The following CYFIP1 variants were observed in gnomAD, a reference collection of about 807,000 sequenced individuals.
CYFIP1 encodes cytoplasmic FMR1-interacting protein 1.
In CYFIP1, 58 loss-of-function variants were observed where a neutral mutation model predicts 163.5. That is an observed-to-expected ratio of 0.35 (90% CI 0.29 to 0.44). The LOEUF is 0.44. CYFIP1 is among the 20% of genes least tolerant of loss of function. CYFIP1 has a pLI of 1.00. For synonymous variants in CYFIP1, 663 were observed against 660.7 expected, an observed-to-expected ratio of 1.00 and a Z score of -0.05; for missense variants, 1,338 against 1,653.8, an observed-to-expected ratio of 0.81 and a Z score of 3.31.
At chr15:22,881,259 C>T (rs1281780844) in intron 25 of CYFIP1, among the ~76,000 whole-genome samples, 2 of 152,222 alleles carry the variant, frequency 1.3e-5, no homozygotes, top group Non-Finnish European at 2.9e-5. Context: ...TTCAACTGTC[C>T]AGCTTTCAAG....
intron 1 of CYFIP1, among the ~76,000 whole-genome samples, chr15:22,967,674 G>C (rs1032205050): frequency 6.6e-6 from 1 of 152,082 alleles, no homozygotes; most frequent in African/African-American, 2.4e-5. Context: ...AGCTCCAGAG[G>C]CTTCTCAGGT....
At chr15:22,959,019 C>T (rs1372659123) in intron 1 of CYFIP1, among the ~76,000 whole-genome samples, 1 of 152,194 alleles carries the variant, frequency 6.6e-6, no homozygotes, top group Non-Finnish European at 1.5e-5. Context: ...GTGCCATCCA[C>T]CAGTCCCACT....
chr15:22,905,538 A>C (rs2060544036), intron 21 of CYFIP1: 1 of 147,872 alleles, frequency 6.8e-6, no homozygotes, highest in South Asian at 2.1e-4. Flanking sequence ...TCCTGGGTTC[A>C]AGCGATTCCC....
Position 22,875,286 on chromosome 15 carries a change from G to C in CYFIP1, c.3043-15C>G, listed in dbSNP as rs1566913478. 1.9e-6 allele frequency: 3 copies of C among 1,612,762 alleles called. No homozygotes were observed. On this transcript the variant is annotated splice_polypyrimidine_tract_variant and intron_variant, in intron 26 of 30. Coordinates refer to ENST00000617928, the MANE Select transcript of CYFIP1 (RefSeq NM_014608.6). ...TCTTCTAAAGACTAGAGCAGAGAAAGAGAGGGTCAAGCTAGGAAGGGTATC... is the reference window on the plus strand; with the variant it reads ...TCTTCTAAAGACTAGAGCAGAGAAACAGAGGGTCAAGCTAGGAAGGGTATC...
intron 1 of CYFIP1, among the ~76,000 whole-genome samples, chr15:22,963,511 T>TAACA (rs1555423916): frequency 2.2e-5 from 3 of 137,286 alleles, no homozygotes; most frequent in African/African-American, 8.1e-5. Flanking sequence ...TAACATAACA[T>TAACA]AACATAACAT....
At chr15:22,914,632 A>C in intron 17 of CYFIP1, 94 bp downstream of exon 17, 1 of 1,303,644 alleles carries the variant, frequency 7.7e-7, no homozygotes, top group Non-Finnish European at 1.0e-6. Flanking sequence ...TTTCAAATAC[A>C]ATACTAAAAA....
chr15:22,923,098 G>A (rs893967724), intron 13 of CYFIP1, among the ~76,000 whole-genome samples: 15 of 151,794 alleles, frequency 9.9e-5, no homozygotes, highest in African/African-American at 2.9e-4. Context: ...CATAAGCAAC[G>A]AAAGAAAAAC....
chr15:22,963,923 A>T (rs1034794956), intron 1 of CYFIP1, among the ~76,000 whole-genome samples: 3 of 152,286 alleles, frequency 2.0e-5, no homozygotes, highest in African/African-American at 7.2e-5. Flanking sequence ...CATCAGTGTT[A>T]TAATCAGAAT....
intron 22 of CYFIP1, among the ~76,000 whole-genome samples, chr15:22,894,875 A>ATT (rs1404769023): frequency 1.9e-5 from 2 of 107,732 alleles, no homozygotes; most frequent in Admixed American, 9.3e-5. Flanking sequence ...ATATATATAT[A>ATT]TATTTTTTTT....
intron 30 of CYFIP1, among the ~76,000 whole-genome samples, chr15:22,871,826 G>T (rs2059440982): frequency 6.6e-6 from 1 of 152,194 alleles, no homozygotes; most frequent in African/African-American, 2.4e-5. Flanking sequence ...CTGTGCATAA[G>T]CTTGAAGGCC....
chr15:22,914,790 C>T lies in CYFIP1; in HGVS notation c.1921G>A (p.Glu641Lys). The T allele has an allele frequency of 6.2e-7, 1 of 1,613,890 alleles. No homozygotes were observed. Among genetic ancestry groups the T allele is most frequent in the Non-Finnish European group, 8.5e-7 (1 of 1,179,922 alleles). The change falls in exon 17 of 31, where the codon GAG becomes AAG. Residue 641 changes from glutamate to lysine, a missense_variant. This residue lies in a region of CYFIP1 where 824 missense variants were observed against 995.7 expected (regional missense o/e 0.83). Coordinates refer to ENST00000617928, the MANE Select transcript of CYFIP1 (RefSeq NM_014608.6). ...TMGRRIQFPI[E>K]MSMPWILTDH... is the part of the protein sequence containing the mutation. ...GTCAGGATCCAGGGCATCGACATCT[C>T]AATGGGGAACTGGATCCTCCTGCCC...
intron 30 of CYFIP1, among the ~76,000 whole-genome samples, chr15:22,871,249 G>T (rs1318219321): frequency 6.6e-6 from 1 of 152,138 alleles, no homozygotes; most frequent in Non-Finnish European, 1.5e-5. Context: ...TACCTCCAAG[G>T]CCTTCAGATA....
At chr15:22,919,212 G>A (rs146465500) in intron 13 of CYFIP1, among the ~76,000 whole-genome samples, 2 of 152,290 alleles carry the variant, frequency 1.3e-5, no homozygotes, top group Non-Finnish European at 2.9e-5. Context: ...GTTACAAGAG[G>A]TTGTAGTCCA....
At chr15:22,927,477 C>G (rs1369739343) in intron 12 of CYFIP1, among the ~76,000 whole-genome samples, 2 of 131,274 alleles carry the variant, frequency 1.5e-5, no homozygotes, top group Admixed American at 8.0e-5. Flanking sequence ...GAGCGAAACT[C>G]CGTCTCAAAA....
At chr15:22,930,182 C>G (rs1418612570) in intron 11 of CYFIP1, among the ~76,000 whole-genome samples, 2 of 150,940 alleles carry the variant, frequency 1.3e-5, no homozygotes, top group Non-Finnish European at 3.0e-5. Flanking sequence ...AACAGTGTCT[C>G]TACTAAAAAA....
rs2061019889 is a variant in CYFIP1, at chr15:22,917,303, G to T, written c.1674+485C>A. On this transcript the variant is annotated intron_variant, in intron 15 of 30. Transcript: ENST00000617928. This position sits in a 1 kb window ranked among gnomAD's most constrained non-coding sequence, Gnocchi z 4.2. ...GACGGAGGACAGACGCAGCGGTGTGGATTAAACCGGGTGTGAAAGTCGTGA... is the reference window on the plus strand; with the variant it reads ...GACGGAGGACAGACGCAGCGGTGTGTATTAAACCGGGTGTGAAAGTCGTGA... 9 of 1,338,198 alleles carry T rather than the reference G, an allele frequency of 6.7e-6. No homozygotes were observed. Among genetic ancestry groups the T allele is most frequent in the Non-Finnish European group, 8.6e-6 (9 of 1,049,376 alleles). The allele number at this position is 1,338,198 out of a possible 1,614,324, so 82.9% of individuals were successfully genotyped here. A position where few individuals can be genotyped will look rare whatever the true frequency, so the allele number is the denominator to read the frequency against.
chr15:22,892,946 C>G lies in CYFIP1; in HGVS notation c.2620G>C (p.Glu874Gln), dbSNP rs2060120303. ...FVRTVLPFSQ[E>Q]FQRDKQPNAQ... ...TTAGGCTGCTTATCTCTTTGAAATT[C>G]CTGAGAAAATGGTAACACTGTCCGA... Residue 874 changes from glutamate (E) to glutamine (Q), a missense_variant, in exon 23 of 31, where the codon GAA (glutamate) becomes CAA (glutamine). By Grantham distance (29) the Glu-to-Gln change is conservative. This residue lies in a region of CYFIP1 where 824 missense variants were observed against 995.7 expected (regional missense o/e 0.83). Transcript: ENST00000617928. 1 of 1,613,584 alleles carries G rather than the reference C, an allele frequency of 6.2e-7. No homozygotes were observed. Among genetic ancestry groups the G allele is most frequent in the Non-Finnish European group, 8.5e-7 (1 of 1,179,734 alleles).
At chr15:22,979,097 C>T (rs764625320) in intron 1 of CYFIP1, among the ~76,000 whole-genome samples, 1 of 152,202 alleles carries the variant, frequency 6.6e-6, no homozygotes, top group Non-Finnish European at 1.5e-5. Context: ...GCCACGACTC[C>T]AGGGCGCCTC....
chr15:22,879,266 C>A (rs1161780801), intron 26 of CYFIP1, among the ~76,000 whole-genome samples: 1 of 152,198 alleles, frequency 6.6e-6, no homozygotes, highest in Non-Finnish European at 1.5e-5. Flanking sequence ...CAGGAGAGGG[C>A]TACCTGAGAT....
Sources: gnomAD v4.1 joint callset for allele counts (sites outside exome capture counted in the v4.1 genomes callset) on GRCh38, gnomAD v4.1.1 for gene constraint, gnomAD v4.1.1 regional missense constraint, Gnocchi (gnomAD v3.1) non-coding constraint, MANE v1.5 for transcripts, NCBI Gene and HGNC (gene_info 2026-07-23, HGNC 2026-07-21) for gene names.